ADAMTSL2: variants seen among roughly 807,000 people sequenced by gnomAD.
ADAMTSL2 encodes ADAMTS-like protein 2.
A neutral mutation model predicts 117.0 loss-of-function variants in ADAMTSL2; 55 were observed. The ratio of observed to expected loss-of-function variants is 0.47; its 90% CI spans 0.38 to 0.59. The LOEUF (loss-of-function observed/expected upper bound fraction) is 0.59. Among genes scored for constraint, ADAMTSL2 ranks in the 20% least tolerant of loss-of-function variants. The probability of loss-of-function intolerance (pLI) is 0.00; values close to 1 mark genes in which losing one functional copy is unlikely to be tolerated. For missense variants in ADAMTSL2, 1,182 were observed against 1,354.5 expected, an observed-to-expected ratio of 0.87 and a Z score of 2.00; for synonymous variants, 572 against 566.4, an observed-to-expected ratio of 1.01 and a Z score of -0.14.
At chr9:133,556,017 G>C in intron 11 of ADAMTSL2, 87 bp downstream of exon 11, 1 of 1,537,554 alleles carries the variant, frequency 6.5e-7, no homozygotes, top group East Asian at 2.3e-5. Flanking sequence ...CCCCACTGGG[G>C]GGGTCTGGCC....
intron 11 of ADAMTSL2, among the ~76,000 whole-genome samples, chr9:133,559,348 C>T (rs1490128823): frequency 2.7e-5 from 4 of 146,622 alleles, no homozygotes; most frequent in African/African-American, 5.0e-5. Context: ...CCCACCCACC[C>T]CCATTTTTTT....
chr9:133,574,674 G>T, intron 18 of ADAMTSL2, 72 bp from the exon 19 acceptor site: 3 of 1,342,398 alleles, frequency 2.2e-6, no homozygotes, highest in Non-Finnish European at 3.2e-6. Flanking sequence ...ACGGCACGTG[G>T]GGGTCCCTGG....
chr9:133,570,053 T>C (rs1223076297), intron 16 of ADAMTSL2, among the ~76,000 whole-genome samples: 2 of 152,250 alleles, frequency 1.3e-5, no homozygotes, highest in African/African-American at 4.8e-5. Flanking sequence ...AGCCAAATTG[T>C]TTTCTGCTAA....
In ADAMTSL2 at chr9:133,568,456, G is replaced by T. The variant is rs1433092851; in HGVS notation, c.2058G>T (p.Gly686=). The part of the protein sequence containing the change: ...ERKTCRNPAC[G]PQWEMSEWSE... ...AGACCTGCCGGAACCCCGCCTGCGG[G>T]CCCCAGTGGGAGATGTCGGAGTGGT... The change falls in exon 14 of 19, where the codon GGG becomes GGT. Residue 686 remains glycine, a synonymous_variant. Transcript: ENST00000651351. 6 of 1,607,192 alleles carry T rather than the reference G, an allele frequency of 3.7e-6. No homozygotes were observed. Among genetic ancestry groups the T allele is most frequent in the African/African-American group, 2.7e-5 (2 of 74,898 alleles).
chr9:133,537,574 G>A (rs780150600), intron 3 of ADAMTSL2, 27 bp downstream of exon 3: 3 of 1,337,324 alleles, frequency 2.2e-6, no homozygotes, highest in African/African-American at 3.0e-5. Context: ...GTGGCCCTGA[G>A]GGGATGGCAT....
chr9:133,538,978 C>T lies in ADAMTSL2; in HGVS notation c.309+554C>T, dbSNP rs549302014. 4.5e-4 allele frequency among the ~76,000 whole-genome samples: 68 copies of T among 152,294 alleles called. No individual in the cohort carries two copies. In the East Asian group the frequency reaches 8.1e-3, roughly 18 times the overall value. ...GAACACCTTTCCAAGGACTGCAGGG[C>T]GTGAGGCTGGGGCACGCCGAGCTGG... is the stretch of plus-strand genomic sequence containing the variant. On this transcript the variant is annotated intron_variant, in intron 4 of 18. Coordinates refer to ENST00000651351, the MANE Select transcript of ADAMTSL2 (RefSeq NM_014694.4).
At chr9:133,572,417 G>A (rs1189412626) in intron 17 of ADAMTSL2, among the ~76,000 whole-genome samples, 4 of 152,164 alleles carry the variant, frequency 2.6e-5, no homozygotes, top group Non-Finnish European at 4.4e-5. Flanking sequence ...GCCGGGCCCT[G>A]AAGCCTCCTT....
At chr9:133,548,556 T>C (rs1295086775) in intron 9 of ADAMTSL2, among the ~76,000 whole-genome samples, 1 of 143,804 alleles carries the variant, frequency 7.0e-6, no homozygotes, top group African/African-American at 2.6e-5. Context: ...AACACTGATG[T>C]GGGCAGGAGG....
upstream of ADAMTSL2, among the ~76,000 whole-genome samples, chr9:133,533,672 G>A (rs1209138369): frequency 6.6e-6 from 1 of 152,206 alleles, no homozygotes; most frequent in Non-Finnish European, 1.5e-5. Context: ...TCTCATGAAG[G>A]CAGCTGAAGG....
At chr9:133,564,372 G>A (rs1588304191) in intron 12 of ADAMTSL2, among the ~76,000 whole-genome samples, 1 of 53,080 alleles carries the variant, frequency 1.9e-5, no homozygotes. Flanking sequence ...GAGGGAGAGA[G>A]AGGGAGAGAG....
At chr9:133,535,057 G>C in intron 1 of ADAMTSL2, 140 bp downstream of exon 1, 1 of 1,282,172 alleles carries the variant, frequency 7.8e-7, no homozygotes, top group Non-Finnish European at 9.9e-7. Flanking sequence ...GGGAGGGGTC[G>C]GGCCGCAGAG....
intron 9 of ADAMTSL2, among the ~76,000 whole-genome samples, chr9:133,547,906 C>T (rs1433478582): frequency 6.6e-6 from 1 of 152,230 alleles, no homozygotes; most frequent in African/African-American, 2.4e-5. Flanking sequence ...ACAAGTTCTT[C>T]TATGGCTAGC....
At chr9:133,541,190 G>GTA (rs1830215070) in intron 7 of ADAMTSL2, among the ~76,000 whole-genome samples, 189 bp downstream of exon 7, 1 of 152,202 alleles carries the variant, frequency 6.6e-6, no homozygotes, top group Non-Finnish European at 1.5e-5. Context: ...TTGCAAGAAT[G>GTA]GGCAACCCTT....
At chr9:133,539,286 G>A (rs150355413) in intron 4 of ADAMTSL2, among the ~76,000 whole-genome samples, 80 of 152,306 alleles carry the variant, frequency 5.3e-4, no homozygotes, top group African/African-American at 1.4e-3. Context: ...GGTCCCCTCC[G>A]AGGATGAGTC....
rs17150670 is a variant in ADAMTSL2 at position 133,544,918 on chromosome 9, G to A, written c.763+368G>A. On this transcript the variant is annotated intron_variant, in intron 8 of 18. Transcript: ENST00000651351. ...GGAGTGAGTCTCAGGAGATGACAAG[G>A]TCAAGGTAGCACTGAGAGGAAGTCG... is the stretch of plus-strand genomic sequence containing the variant. Among the ~76,000 whole-genome samples, 66 of 152,332 alleles carry A rather than the reference G, an allele frequency of 4.3e-4. No homozygotes were observed. In the East Asian group the frequency reaches 9.3e-3, roughly 21 times the overall value.
chr9:133,544,014 C>T (rs1186301348), intron 7 of ADAMTSL2, among the ~76,000 whole-genome samples: 2 of 152,254 alleles, frequency 1.3e-5, no homozygotes, highest in African/African-American at 4.8e-5. Context: ...TCTCCTTGTC[C>T]TTTCTCACCC....
At chr9:133,570,970 C>T (rs1006329118) in intron 17 of ADAMTSL2, among the ~76,000 whole-genome samples, 2 of 152,292 alleles carry the variant, frequency 1.3e-5, no homozygotes, top group East Asian at 1.9e-4. Flanking sequence ...AGGACACCGG[C>T]GGGGCCAGAG....
chr9:133,536,452 A>T, intron 1 of ADAMTSL2, 111 bp from the exon 2 acceptor site: 1 of 1,428,142 alleles, frequency 7.0e-7, no homozygotes, highest in East Asian at 2.5e-5. Flanking sequence ...GCACAGGCTT[A>T]GCACGCACAC....
intron 9 of ADAMTSL2, among the ~76,000 whole-genome samples, chr9:133,547,590 G>A (rs1258776843): frequency 1.3e-5 from 2 of 152,214 alleles, no homozygotes; most frequent in African/African-American, 4.8e-5. Context: ...GAGGACCAGC[G>A]GGGGTTCCGT....
Sources: gnomAD v4.1 joint callset for allele counts (sites outside exome capture counted in the v4.1 genomes callset) on GRCh38, gnomAD v4.1.1 for gene constraint, MANE v1.5 for transcripts, NCBI Gene and HGNC (gene_info 2026-07-23, HGNC 2026-07-21) for gene names.